HECA: variants seen among roughly 807,000 people sequenced by gnomAD.
The protein encoded by HECA is headcase protein homolog.
Under a neutral mutation model 37.6 loss-of-function variants are expected in HECA, and 13 were observed. The observed-to-expected ratio is 0.35, with a 90% CI of 0.23 to 0.55. The LOEUF (loss-of-function observed/expected upper bound fraction) is 0.55, where lower values mean the gene tolerates loss of function less well. Ranked by LOEUF, HECA falls within the 20% of genes least tolerant of loss-of-function variation. HECA has a pLI of 0.90. For missense variants in HECA, 527 were observed against 701.9 expected, an observed-to-expected ratio of 0.75 and a Z score of 2.82; for synonymous variants, 307 against 291.5, an observed-to-expected ratio of 1.05 and a Z score of -0.54.
At chr6:139,143,595 G>A (rs1238821237) in intron 1 of HECA, among the ~76,000 whole-genome samples, 1 of 152,154 alleles carries the variant, frequency 6.6e-6, no homozygotes, top group African/African-American at 2.4e-5. Flanking sequence ...AGGCGTGGTG[G>A]CTCACACCTG....
chr6:139,165,011 A>G (rs1038569148), intron 1 of HECA, among the ~76,000 whole-genome samples: 3 of 152,220 alleles, frequency 2.0e-5, no homozygotes, highest in Non-Finnish European at 4.4e-5. Flanking sequence ...CAGTCAGCTA[A>G]CGACAAGAAC....
At position 139,167,059 on chromosome 6, in the gene HECA, C is replaced by G. The variant is rs746205849; in HGVS notation, c.1047C>G (p.Leu349=). 2 of 1,614,094 alleles carry G rather than the reference C, an allele frequency of 1.2e-6. No homozygotes were observed. Among genetic ancestry groups the G allele is most frequent in the African/African-American group, 1.3e-5 (1 of 74,938 alleles). ...TGCAGTTCCTTCGGCGGCTGGACCT[C>G]TCCGAACTCCTCACTCACATCCCCA... ...TPVQFLRRLD[L]SELLTHIPRH... The change falls in exon 2 of 4, where the codon CTC becomes CTG. Residue 349 remains leucine, a synonymous_variant. Transcript: ENST00000367658.
chr6:139,145,703 G>A (rs923040239), intron 1 of HECA, among the ~76,000 whole-genome samples: 1 of 152,158 alleles, frequency 6.6e-6, no homozygotes, highest in Non-Finnish European at 1.5e-5. Context: ...AGAAGTAGGG[G>A]CTTGTATGTT....
chr6:139,137,164 T>C (rs1464902046), intron 1 of HECA, among the ~76,000 whole-genome samples: 2 of 152,194 alleles, frequency 1.3e-5, no homozygotes, highest in Non-Finnish European at 2.9e-5. Flanking sequence ...CTTTTGTTTT[T>C]CTCCTGGCTT....
At chr6:139,157,428 G>A (rs1479374597) in intron 1 of HECA, among the ~76,000 whole-genome samples, 2 of 152,066 alleles carry the variant, frequency 1.3e-5, no homozygotes, top group Admixed American at 6.6e-5. Context: ...TGGTTCACAC[G>A]CCTCTTGACA....
At chr6:139,141,948 A>G (rs527383357) in intron 1 of HECA, among the ~76,000 whole-genome samples, 106 of 95,122 alleles carry the variant, frequency 1.1e-3, no homozygotes, top group African/African-American at 4.4e-3. Flanking sequence ...TTTTTTGGAC[A>G]TGGAGTGTCG....
chr6:139,140,899 T>C (rs1305143827), intron 1 of HECA, among the ~76,000 whole-genome samples: 1 of 152,008 alleles, frequency 6.6e-6, no homozygotes, highest in African/African-American at 2.4e-5. Context: ...CACACTATTC[T>C]CCTACCTCAG....
chr6:139,153,883 A>G (rs751280628), intron 1 of HECA, among the ~76,000 whole-genome samples: 3 of 151,984 alleles, frequency 2.0e-5, no homozygotes. Flanking sequence ...AATTTTTATT[A>G]AGATGGACTT....
At chr6:139,163,002 T>TTTC (rs1220929333) in intron 1 of HECA, among the ~76,000 whole-genome samples, 1 of 152,192 alleles carries the variant, frequency 6.6e-6, no homozygotes, top group African/African-American at 2.4e-5. Context: ...GTTTCTGCCT[T>TTTC]TTCACCTCAC....
intron 1 of HECA, among the ~76,000 whole-genome samples, chr6:139,164,795 G>A (rs111558507): frequency 3.8e-5 from 3 of 78,224 alleles, no homozygotes; most frequent in African/African-American, 1.0e-4. Flanking sequence ...CCCCCCCACC[G>A]CCCCCCACCG....
intron 3 of HECA, among the ~76,000 whole-genome samples, chr6:139,174,821 A>G (rs571425405): frequency 6.6e-6 from 1 of 152,230 alleles, no homozygotes; most frequent in African/African-American, 2.4e-5. Flanking sequence ...GTAAGTGAGC[A>G]TGAAAAGGGA....
At chr6:139,135,960 C>T (rs1483525603) in intron 1 of HECA, among the ~76,000 whole-genome samples, 2 of 151,968 alleles carry the variant, frequency 1.3e-5, no homozygotes, top group African/African-American at 2.4e-5. Context: ...CGCGCTGGCA[C>T]TGCCCCGCCG....
chr6:139,158,252 C>T (rs577384367), intron 1 of HECA, among the ~76,000 whole-genome samples: 21 of 151,960 alleles, frequency 1.4e-4, no homozygotes, highest in Admixed American at 2.6e-4. Flanking sequence ...CCTGTAATCC[C>T]AGCACTTTGG....
In HECA at chr6:139,180,439, G is replaced by C. The variant is rs1775118268; in HGVS notation, c.*3334G>C. 6.6e-6 allele frequency: 1 copy of C among 152,622 alleles called. No individual in the cohort carries two copies. The highest frequency in any genetic ancestry group is 1.5e-5 in the Non-Finnish European group (1 of 68,046). 9.5% of individuals were successfully genotyped at this position (152,622 alleles called of 1,614,324 possible). ...GTTTTGTGTCCTGGTAGCAGCTGTTGAGTAACTTTCATTGGAGGTTGGGAA... is the reference window on the plus strand; with the variant it reads ...GTTTTGTGTCCTGGTAGCAGCTGTTCAGTAACTTTCATTGGAGGTTGGGAA... On this transcript the variant is annotated 3_prime_UTR_variant, in exon 4 of 4. Coordinates refer to ENST00000367658, the MANE Select transcript of HECA (RefSeq NM_016217.3).
intron 1 of HECA, among the ~76,000 whole-genome samples, chr6:139,162,134 T>C (rs1222731046): frequency 6.6e-6 from 1 of 152,082 alleles, no homozygotes; most frequent in East Asian, 1.9e-4. Context: ...AGAGGCTTCC[T>C]CTCCTGAGTC....
intron 1 of HECA, among the ~76,000 whole-genome samples, chr6:139,149,017 T>C (rs752145344): frequency 6.6e-6 from 1 of 152,196 alleles, no homozygotes; most frequent in Admixed American, 6.5e-5. Flanking sequence ...CTCTTAAGGC[T>C]AAATTGCCCA....
intron 1 of HECA, among the ~76,000 whole-genome samples, chr6:139,152,396 GT>G (rs1774661859): frequency 1.4e-5 from 2 of 144,948 alleles, no homozygotes; most frequent in African/African-American, 5.2e-5. Context: ...AACCCAAGTT[GT>G]AAACTGTATT....
intron 1 of HECA, among the ~76,000 whole-genome samples, chr6:139,152,756 AAAG>A (rs1197506626): frequency 6.6e-6 from 1 of 152,230 alleles, no homozygotes; most frequent in African/African-American, 2.4e-5. Flanking sequence ...TTAGTAGAAA[AAAG>A]GTCTTAAAAA....
chr6:139,165,489 C>T (rs892324742), intron 1 of HECA, among the ~76,000 whole-genome samples: 9 of 151,884 alleles, frequency 5.9e-5, no homozygotes, highest in Non-Finnish European at 8.8e-5. Context: ...TGTATAATGA[C>T]GTGTATCTGC....
Sources: allele counts gnomAD v4.1 joint callset (sites outside exome capture counted in the v4.1 genomes callset), GRCh38; gene constraint gnomAD v4.1.1; transcripts MANE v1.5; gene names NCBI Gene and HGNC (gene_info 2026-07-23, HGNC 2026-07-21).